The following GMDS variants were observed in gnomAD, a reference collection of about 807,000 sequenced individuals.
The protein encoded by GMDS is GDP-mannose 4,6-dehydratase.
GMDS carries 20 observed loss-of-function variants against 49.9 expected under a neutral mutation model. That is an observed-to-expected ratio of 0.40 (90% CI 0.28 to 0.58). The LOEUF is 0.58. Ranked by LOEUF, GMDS falls within the 20% of genes least tolerant of loss-of-function variation. The probability of loss-of-function intolerance (pLI) is 0.42; values close to 1 mark genes in which losing one functional copy is unlikely to be tolerated. For synonymous variants in GMDS, 177 were observed against 178.6 expected (o/e 0.99, Z 0.07); for missense variants, 362 against 481.4 (o/e 0.75, Z 2.32).
intron 9 of GMDS, among the ~76,000 whole-genome samples, chr6:1,687,029 G>A (rs1337780823): frequency 6.6e-6 from 1 of 152,134 alleles, no homozygotes; most frequent in Non-Finnish European, 1.5e-5. Context: ...AGATACAAAT[G>A]TTTAAAATCA....
chr6:2,211,714 T>G (rs138792247), intron 1 of GMDS, among the ~76,000 whole-genome samples: 299 of 152,292 alleles, frequency 2.0e-3, no homozygotes, highest in African/African-American at 7.0e-3. Flanking sequence ...TATTTCATGT[T>G]AGTAGTTTTT....
At chr6:2,170,682 T>C (rs1262703080) in intron 1 of GMDS, among the ~76,000 whole-genome samples, 1 of 151,560 alleles carries the variant, frequency 6.6e-6, no homozygotes, top group Non-Finnish European at 1.5e-5. Flanking sequence ...CCCATTTGGT[T>C]ACCTTTTTTA....
At chr6:2,111,501 C>T (rs1235300221) in intron 4 of GMDS, among the ~76,000 whole-genome samples, 2 of 152,136 alleles carry the variant, frequency 1.3e-5, no homozygotes, top group East Asian at 1.9e-4. Flanking sequence ...ATTTCATCTT[C>T]GCTGGTTTCC....
intron 1 of GMDS, among the ~76,000 whole-genome samples, chr6:2,198,593 A>G (rs1434156725): frequency 6.6e-6 from 1 of 152,218 alleles, no homozygotes; most frequent in African/African-American, 2.4e-5. Flanking sequence ...TAAGCAATAA[A>G]GAAAAGTAAT....
intron 9 of GMDS, among the ~76,000 whole-genome samples, chr6:1,626,451 A>G (rs73716218): frequency 0.016 from 2,407 of 152,276 alleles, 58 homozygotes; most frequent in African/African-American, 0.055. Flanking sequence ...GAAGTAATTT[A>G]TTTTTCTTTC....
At chr6:2,014,022 ACAAG>A (rs1255831761) in intron 4 of GMDS, among the ~76,000 whole-genome samples, 1 of 149,888 alleles carries the variant, frequency 6.7e-6, no homozygotes, top group Non-Finnish European at 1.5e-5. Context: ...TTGTCAAAAA[ACAAG>A]CAAGCCAAAA....
chr6:1,928,587 T>C (rs1425954311), intron 7 of GMDS, among the ~76,000 whole-genome samples: 2 of 152,234 alleles, frequency 1.3e-5, no homozygotes, highest in East Asian at 1.9e-4. Context: ...CGTGAACCTA[T>C]ATATTTTTTG....
At chr6:1,853,644 A>G (rs976805069) in intron 7 of GMDS, among the ~76,000 whole-genome samples, 3 of 152,138 alleles carry the variant, frequency 2.0e-5, no homozygotes, top group Non-Finnish European at 4.4e-5. Context: ...CAAGATGTCT[A>G]TGTGGGCTGT....
intron 7 of GMDS, among the ~76,000 whole-genome samples, chr6:1,873,757 A>G (rs1758890351): frequency 1.3e-5 from 2 of 152,216 alleles, no homozygotes. Context: ...TTGGTGAAAG[A>G]CAAGCTTAAT....
chr6:2,066,490 A>G (rs954182623), intron 4 of GMDS, among the ~76,000 whole-genome samples: 1 of 151,792 alleles, frequency 6.6e-6, no homozygotes, highest in Non-Finnish European at 1.5e-5. Flanking sequence ...ATAAAGAGTC[A>G]AGACCCATCA....
intron 8 of GMDS, among the ~76,000 whole-genome samples, chr6:1,733,579 A>G (rs1457287684): frequency 6.6e-6 from 1 of 152,174 alleles, no homozygotes; most frequent in Non-Finnish European, 1.5e-5. Context: ...TACTTTGGGA[A>G]GCCGAGGCAG....
At chr6:2,119,322 G>A (rs765099909) in intron 2 of GMDS, among the ~76,000 whole-genome samples, 2 of 151,936 alleles carry the variant, frequency 1.3e-5, no homozygotes, top group African/African-American at 2.4e-5. Context: ...ACTATACAAA[G>A]TCAAGCCAAT....
chr6:2,035,517 A>G (rs552671153), intron 4 of GMDS, among the ~76,000 whole-genome samples: 1 of 152,206 alleles, frequency 6.6e-6, no homozygotes, highest in East Asian at 1.9e-4. Flanking sequence ...TCTCTGTCTT[A>G]TCATTCATTT....
intron 1 of GMDS, among the ~76,000 whole-genome samples, chr6:2,173,672 G>C (rs923860467): frequency 1.4e-4 from 22 of 152,186 alleles, no homozygotes; most frequent in African/African-American, 5.1e-4. Flanking sequence ...TGCTTATAAA[G>C]GCTGTGGTTG....
Position 2,108,567 on chromosome 6 carries a change from T to C in GMDS, c.345+7204A>G, listed in dbSNP as rs888785953. Reference sequence around the variant, plus strand: ...TTCTAGCTATTCAAATACTCTTTCATATGGTATTAATTAAAACCAGTTCCC... The same window carrying C: ...TTCTAGCTATTCAAATACTCTTTCACATGGTATTAATTAAAACCAGTTCCC... On this transcript the variant is annotated intron_variant, in intron 4 of 10. Coordinates refer to ENST00000380815, the MANE Select transcript of GMDS (RefSeq NM_001500.4). Among the ~76,000 whole-genome samples the C allele has an allele frequency of 2.0e-5, 3 of 152,194 alleles. No individual in the cohort carries two copies. In the East Asian group the frequency reaches 5.8e-4, roughly 29 times the overall value.
At chr6:1,768,707 T>C (rs916634123) in intron 7 of GMDS, among the ~76,000 whole-genome samples, 1 of 152,242 alleles carries the variant, frequency 6.6e-6, no homozygotes, top group Non-Finnish European at 1.5e-5. Flanking sequence ...GACCAGTAAG[T>C]ATAATGCAGA....
chr6:1,939,588 C>CATATATATAT (rs1561907566), intron 6 of GMDS, among the ~76,000 whole-genome samples: 2 of 120,568 alleles, frequency 1.7e-5, no homozygotes, highest in Non-Finnish European at 3.9e-5. Context: ...TATATACACA[C>CATATATATAT]ACACACACAC....
intron 7 of GMDS, among the ~76,000 whole-genome samples, chr6:1,771,900 G>A (rs192237058): frequency 9.9e-5 from 15 of 152,236 alleles, no homozygotes; most frequent in Non-Finnish European, 1.3e-4. Flanking sequence ...TGAGAAACAC[G>A]AACATATATC....
intron 4 of GMDS, among the ~76,000 whole-genome samples, chr6:2,065,145 A>AC (rs1362443185): frequency 2.6e-5 from 4 of 151,964 alleles, no homozygotes; most frequent in African/African-American, 7.2e-5. Context: ...ACTGGGAGGC[A>AC]CCCCCCAGCA....
Sources: allele counts gnomAD v4.1 joint callset (sites outside exome capture counted in the v4.1 genomes callset), GRCh38; gene constraint gnomAD v4.1.1; transcripts MANE v1.5; gene names NCBI Gene and HGNC (gene_info 2026-07-23, HGNC 2026-07-21).